The following STK33 variants were observed in gnomAD, a reference collection of about 807,000 sequenced individuals.
STK33 encodes serine/threonine kinase 33.
In STK33, 52 loss-of-function variants were observed where a neutral mutation model predicts 58.0. That is an observed-to-expected ratio of 0.90 (90% CI 0.72 to 1.13). The LOEUF is 1.13. STK33 is among the 50% of genes most tolerant of loss of function. The pLI is 0.00. For missense variants in STK33, 630 were observed against 604.2 expected, an observed-to-expected ratio of 1.04 and a Z score of -0.45; for synonymous variants, 215 against 200.1, an observed-to-expected ratio of 1.07 and a Z score of -0.63.
chr11:8,515,191 AAG>A (rs1239654308), intron 1 of STK33, among the ~76,000 whole-genome samples: 1 of 152,164 alleles, frequency 6.6e-6, no homozygotes, highest in African/African-American at 2.4e-5. Context: ...CTAAGAAAAA[AAG>A]AGAATACTCA....
intron 1 of STK33, among the ~76,000 whole-genome samples, chr11:8,513,348 C>T (rs1007763789): frequency 6.6e-6 from 1 of 152,160 alleles, no homozygotes; most frequent in Non-Finnish European, 1.5e-5. Flanking sequence ...GTTCCTACCA[C>T]CTTGCTTTCA....
intron 1 of STK33, among the ~76,000 whole-genome samples, chr11:8,535,239 A>C (rs141781451): frequency 1.6e-3 from 242 of 152,244 alleles, no homozygotes; most frequent in African/African-American, 5.8e-3. Context: ...AAATGTTACT[A>C]ATGCACTTTA....
chr11:8,490,870 A>G (rs1325308717), intron 1 of STK33, among the ~76,000 whole-genome samples: 2 of 152,220 alleles, frequency 1.3e-5, no homozygotes, highest in Admixed American at 1.3e-4. Flanking sequence ...AAGGAAAACC[A>G]ACAAACGGAA....
the STK33 span, among the ~76,000 whole-genome samples, chr11:8,385,779 C>CT: frequency 0.011 from 1,649 of 143,624 alleles, 21 homozygotes; most frequent in Non-Finnish European, 0.016. Context: ...AATCCAGTTC[C>CT]TTTTTTTTTT....
intron 11 of STK33, among the ~76,000 whole-genome samples, chr11:8,447,870 T>C (rs553777279): frequency 7.9e-5 from 12 of 152,342 alleles, no homozygotes; most frequent in African/African-American, 1.2e-4. Flanking sequence ...GATGACATGA[T>C]TGTATATCTA....
chr11:8,388,083 T>A (rs1848568992), downstream of STK33, among the ~76,000 whole-genome samples: 1 of 152,098 alleles, frequency 6.6e-6, no homozygotes, highest in African/African-American at 2.4e-5. Context: ...CTAGTCCCAT[T>A]CTCTGGGCCA....
chr11:8,513,426 T>C (rs1952501728), intron 1 of STK33, among the ~76,000 whole-genome samples: 1 of 152,208 alleles, frequency 6.6e-6, no homozygotes, highest in Admixed American at 6.5e-5. Context: ...AATAAGGCAC[T>C]ATTCATGAAT....
At chr11:8,350,440 C>T in the STK33 span, among the ~76,000 whole-genome samples, 3 of 152,284 alleles carry the variant, frequency 2.0e-5, no homozygotes, top group Non-Finnish European at 2.9e-5. Flanking sequence ...TGAGAAGCAT[C>T]GGATGCCCCC....
intron 1 of STK33, among the ~76,000 whole-genome samples, chr11:8,521,242 T>C (rs1953402390): frequency 6.6e-6 from 1 of 152,088 alleles, no homozygotes; most frequent in South Asian, 2.1e-4. Flanking sequence ...AAGGCTACAG[T>C]AACCAAAACA....
intron 15 of STK33, 97 bp downstream of exon 15, chr11:8,413,398 C>G: frequency 7.4e-7 from 1 of 1,350,868 alleles, no homozygotes. Context: ...GCCTTTGTTA[C>G]AAACTAACAA....
chr11:8,510,855 G>A (rs558485342), intron 1 of STK33, among the ~76,000 whole-genome samples: 5 of 152,132 alleles, frequency 3.3e-5, no homozygotes, highest in Non-Finnish European at 5.9e-5. Context: ...CTGTTCCATC[G>A]GTCTACATGC....
chr11:8,389,472 T>C (rs1232795670), downstream of STK33, among the ~76,000 whole-genome samples: 2 of 152,172 alleles, frequency 1.3e-5, no homozygotes, highest in African/African-American at 2.4e-5. Context: ...GAGGGGCAGA[T>C]AGAAAATATC....
intron 14 of STK33, 52 bp downstream of exon 14, chr11:8,435,442 G>T: frequency 1.0e-6 from 1 of 986,622 alleles, no homozygotes; most frequent in Non-Finnish European, 1.4e-6. Context: ...AAAATAAAAA[G>T]AAATGAGCAA....
intron 1 of STK33, among the ~76,000 whole-genome samples, chr11:8,572,107 G>A (rs2141156540): frequency 6.6e-6 from 1 of 151,190 alleles, no homozygotes; most frequent in East Asian, 1.9e-4. Flanking sequence ...TCGTGTTGGG[G>A]GTGGGAGAGG....
chr11:8,522,473 A>T (rs2139864919), intron 1 of STK33, among the ~76,000 whole-genome samples: 1 of 151,904 alleles, frequency 6.6e-6, no homozygotes, highest in East Asian at 1.9e-4. Context: ...GGGGCCAAAA[A>T]AAAAAAAAGA....
At chr11:8,415,850 A>T (rs2135724130) in intron 14 of STK33, among the ~76,000 whole-genome samples, 2 of 152,278 alleles carry the variant, frequency 1.3e-5, no homozygotes, top group Middle Eastern at 6.8e-3. Context: ...GATATGCCTG[A>T]ATTTCAGTTA....
intron 1 of STK33, among the ~76,000 whole-genome samples, chr11:8,530,340 C>G (rs1397249860): frequency 6.6e-6 from 1 of 151,122 alleles, no homozygotes; most frequent in Non-Finnish European, 1.5e-5. Context: ...AGTAAAAGCA[C>G]TCTAAAATAA....
chr11:8,482,497 G>C (rs1394625777), intron 1 of STK33, among the ~76,000 whole-genome samples: 2 of 152,098 alleles, frequency 1.3e-5, no homozygotes, highest in African/African-American at 4.8e-5. Flanking sequence ...TGAAGGCATA[G>C]GTTTCACTCA....
At chr11:8,563,724 T>A (rs1957264380) in intron 1 of STK33, among the ~76,000 whole-genome samples, 1 of 152,064 alleles carries the variant, frequency 6.6e-6, no homozygotes, top group South Asian at 2.1e-4. Flanking sequence ...TTCCTGGTAA[T>A]AAAAACACCT....
Sources: allele counts gnomAD v4.1 joint callset (sites outside exome capture counted in the v4.1 genomes callset), GRCh38; gene constraint gnomAD v4.1.1; transcripts MANE v1.5; gene names NCBI Gene and HGNC (gene_info 2026-07-23, HGNC 2026-07-21).